The following SLC2A13 variants were observed in gnomAD, a reference collection of about 807,000 sequenced individuals.
SLC2A13 encodes the protein solute carrier family 2 member 13, also known as proton myo-inositol cotransporter.
A neutral mutation model predicts 64.4 loss-of-function variants in SLC2A13; 32 were observed. The ratio of observed to expected loss-of-function variants is 0.50; its 90% CI spans 0.37 to 0.67. SLC2A13 has a LOEUF of 0.67. Among genes scored for constraint, SLC2A13 ranks in the 30% least tolerant of loss-of-function variants. The probability of loss-of-function intolerance (pLI) is 0.00; values close to 1 mark genes in which losing one functional copy is unlikely to be tolerated. For synonymous variants in SLC2A13, 338 were observed against 327.1 expected (o/e 1.03, Z -0.36); for missense variants, 743 against 829.2 (o/e 0.90, Z 1.28).
At chr12:40,072,077 T>C (rs1231469065) in intron 1 of SLC2A13, among the ~76,000 whole-genome samples, 2 of 152,150 alleles carry the variant, frequency 1.3e-5, no homozygotes, top group African/African-American at 4.8e-5. Context: ...AAAGCACTGC[T>C]TTCAGTGAAT....
At chr12:39,928,136 T>C (rs959580371) in intron 4 of SLC2A13, among the ~76,000 whole-genome samples, 2 of 152,150 alleles carry the variant, frequency 1.3e-5, no homozygotes, top group African/African-American at 4.8e-5. Flanking sequence ...GAAAAATGTT[T>C]TACTTGAATA....
At chr12:39,799,426 C>T (rs1941703007) in intron 7 of SLC2A13, among the ~76,000 whole-genome samples, 1 of 143,610 alleles carries the variant, frequency 7.0e-6, no homozygotes. Context: ...GTTCTTTAAT[C>T]TCAACCATTA....
rs189711298 is a variant in SLC2A13, at chr12:39,904,967, A to G, written c.1035-33006T>C. Among the ~76,000 whole-genome samples the G allele has an allele frequency of 5.3e-3, 806 of 152,210 alleles. 26 individuals carry two copies. Among genetic ancestry groups the G allele is most frequent in the Admixed American group, 0.045 (687 of 15,262 alleles). On this transcript the variant is annotated intron_variant, in intron 4 of 9. Transcript: ENST00000280871. ...ACTTTTTGATACAGACGTGCAGGCAAACTATCCCAATCTCAACTGTAGAAT... is the reference window on the plus strand; with the variant it reads ...ACTTTTTGATACAGACGTGCAGGCAGACTATCCCAATCTCAACTGTAGAAT...
intron 3 of SLC2A13, among the ~76,000 whole-genome samples, chr12:39,963,069 G>A (rs1172694336): frequency 6.6e-6 from 1 of 152,078 alleles, no homozygotes; most frequent in Admixed American, 6.5e-5. Context: ...GGCGGATCAC[G>A]AGGTCAGGAG....
At chr12:39,933,247 T>A (rs1945861995) in intron 4 of SLC2A13, among the ~76,000 whole-genome samples, 1 of 152,000 alleles carries the variant, frequency 6.6e-6, no homozygotes, top group East Asian at 1.9e-4. Context: ...TAAATAAGAA[T>A]AAACTGTGAA....
rs568741214 is a variant in SLC2A13 at position 40,087,250 on chromosome 12, CTCTTGAAGCTACTT to C, written c.556+17989_556+18002del. ...AAGGCCCCTGATAATTGAGCTAAGA[CTCTTGAAGCTACTT>C]TCAAGAGTGTAACTTTAGAGTTTAA... On this transcript the variant is annotated intron_variant, in intron 1 of 9. Transcript: ENST00000280871. 5.9e-5 allele frequency among the ~76,000 whole-genome samples: 9 copies of C among 152,318 alleles called. No individual in the cohort carries two copies. The East Asian group carries it at 9.6e-4, about 16-fold the overall frequency.
At chr12:39,929,967 C>G (rs1349931426) in intron 4 of SLC2A13, among the ~76,000 whole-genome samples, 1 of 151,846 alleles carries the variant, frequency 6.6e-6, no homozygotes, top group Non-Finnish European at 1.5e-5. Context: ...CCTGTCTCTA[C>G]TAAAAATACA....
intron 3 of SLC2A13, among the ~76,000 whole-genome samples, chr12:39,997,166 T>A (rs1003198791): frequency 1.3e-5 from 2 of 152,134 alleles, no homozygotes; most frequent in South Asian, 2.1e-4. Flanking sequence ...CAAAACAGCA[T>A]TATACCAGTA....
chr12:39,833,828 T>C (rs552337895), intron 6 of SLC2A13, among the ~76,000 whole-genome samples: 73 of 149,118 alleles, frequency 4.9e-4, no homozygotes, highest in Admixed American at 3.3e-3. Context: ...TGCTGCTCCA[T>C]AATATGGCAC....
chr12:39,863,677 C>T (rs899803294), intron 6 of SLC2A13, among the ~76,000 whole-genome samples: 6 of 151,990 alleles, frequency 3.9e-5, no homozygotes, highest in African/African-American at 1.5e-4. Flanking sequence ...CTTCTTAGAA[C>T]AATAAAAAGA....
intron 7 of SLC2A13, among the ~76,000 whole-genome samples, chr12:39,799,635 G>T (rs1941713585): frequency 6.6e-6 from 1 of 152,098 alleles, no homozygotes; most frequent in Non-Finnish European, 1.5e-5. Context: ...AAAAAGATTG[G>T]AAAAATCAAG....
chr12:39,981,678 T>C (rs919977162), intron 3 of SLC2A13, among the ~76,000 whole-genome samples: 2 of 152,120 alleles, frequency 1.3e-5, no homozygotes, highest in African/African-American at 2.4e-5. Context: ...ATTGTGGCAA[T>C]AATCAATAGC....
In SLC2A13 at chr12:40,105,714, G is replaced by T; in HGVS notation, c.95C>A (p.Ala32Glu). ...ERRRKQPEPD[A>E]ASAAGECSLL... is the part of the protein sequence containing the mutation. ...GCTGCACTCCCCGGCCGCGCTCGCC[G>T]CGTCCGGCTCCGGCTGCTTCCTGCG... is the stretch of plus-strand genomic sequence containing the variant. The change falls in exon 1 of 10, where the codon GCG becomes GAG. Residue 32 changes from alanine (A) to glutamate (E), a missense_variant. Ala to Glu is a moderately radical substitution (Grantham distance 107). This residue lies in a region of SLC2A13 where 448 missense variants were observed against 447.4 expected (regional missense o/e 1.00). Coordinates refer to ENST00000280871, the MANE Select transcript of SLC2A13 (RefSeq NM_052885.4). This position sits in a 1 kb window ranked among gnomAD's most constrained non-coding sequence, Gnocchi z 4.2. 1 of 1,480,766 alleles carries T rather than the reference G, an allele frequency of 6.8e-7. No individual in the cohort carries two copies. Among genetic ancestry groups the T allele is most frequent in the Non-Finnish European group, 9.0e-7 (1 of 1,115,852 alleles). 91.7% of individuals were successfully genotyped at this position (1,480,766 alleles called of 1,614,324 possible). A position where few individuals can be genotyped will look rare whatever the true frequency, so the allele number is the denominator to read the frequency against.
At chr12:39,986,333 T>A (rs1386189068) in intron 3 of SLC2A13, among the ~76,000 whole-genome samples, 1 of 152,126 alleles carries the variant, frequency 6.6e-6, no homozygotes, top group African/African-American at 2.4e-5. Context: ...CTGGAGATAC[T>A]GATCCATGCC....
intron 6 of SLC2A13, among the ~76,000 whole-genome samples, chr12:39,857,980 C>A (rs1943650027): frequency 6.6e-6 from 1 of 152,166 alleles, no homozygotes; most frequent in Admixed American, 6.5e-5. Context: ...AAACAAAAAA[C>A]CAAGGTTTGG....
chr12:40,100,729 C>T (rs1939114679), intron 1 of SLC2A13, among the ~76,000 whole-genome samples: 1 of 151,910 alleles, frequency 6.6e-6, no homozygotes, highest in African/African-American at 2.4e-5. Flanking sequence ...TTTGGAAGGC[C>T]GAAGCAGGCA....
intron 6 of SLC2A13, among the ~76,000 whole-genome samples, chr12:39,831,195 G>A (rs945856259): frequency 6.6e-6 from 1 of 152,144 alleles, no homozygotes; most frequent in Admixed American, 6.6e-5. Context: ...GATGAACAAC[G>A]ACAATGTAAT....
intron 7 of SLC2A13, among the ~76,000 whole-genome samples, chr12:39,785,624 A>C (rs1389008727): frequency 2.6e-5 from 4 of 152,106 alleles, no homozygotes; most frequent in Non-Finnish European, 5.9e-5. Flanking sequence ...AGAATGGTAG[A>C]TCCACCGACA....
intron 3 of SLC2A13, among the ~76,000 whole-genome samples, chr12:39,964,545 A>G (rs1946472553): frequency 6.6e-6 from 1 of 152,232 alleles, no homozygotes; most frequent in Non-Finnish European, 1.5e-5. Context: ...ATATAACCAT[A>G]TCTTCCATTT....
Sources: gnomAD v4.1 joint callset for allele counts (sites outside exome capture counted in the v4.1 genomes callset) on GRCh38, gnomAD v4.1.1 for gene constraint, gnomAD v4.1.1 regional missense constraint, Gnocchi (gnomAD v3.1) non-coding constraint, MANE v1.5 for transcripts, NCBI Gene and HGNC (gene_info 2026-07-23, HGNC 2026-07-21) for gene names.